The following CSMD1 variants were observed in gnomAD, a reference collection of about 807,000 sequenced individuals.
CSMD1 encodes the protein CUB and sushi domain-containing protein 1.
In CSMD1, 213 loss-of-function variants were observed where a neutral mutation model predicts 417.5. That is an observed-to-expected ratio of 0.51 (90% CI 0.46 to 0.57). The LOEUF (loss-of-function observed/expected upper bound fraction) is 0.57. Among genes scored for constraint, CSMD1 ranks in the 20% least tolerant of loss-of-function variants. The probability of loss-of-function intolerance (pLI) is 0.00; values close to 1 mark genes in which losing one functional copy is unlikely to be tolerated. For missense variants in CSMD1, 6,923 were observed against 4,529.7 expected, an observed-to-expected ratio of 1.53 and a Z score of -15.17; for synonymous variants, 2,862 against 1,736.8, an observed-to-expected ratio of 1.65 and a Z score of -16.11.
intron 8 of CSMD1, among the ~76,000 whole-genome samples, chr8:3,608,277 C>T (rs1010255939): frequency 6.6e-6 from 1 of 151,838 alleles, no homozygotes; most frequent in Non-Finnish European, 1.5e-5. Context: ...GCAGCTCATG[C>T]AGAATCAGGG....
intron 5 of CSMD1, among the ~76,000 whole-genome samples, chr8:3,872,009 G>C (rs1269616446): frequency 6.6e-6 from 1 of 152,224 alleles, no homozygotes; most frequent in Non-Finnish European, 1.5e-5. Flanking sequence ...ATGGTGTGCA[G>C]TGAGTATAGT....
chr8:3,060,554 C>G (rs899309752), intron 49 of CSMD1, among the ~76,000 whole-genome samples: 7 of 152,156 alleles, frequency 4.6e-5, no homozygotes, highest in Non-Finnish European at 1.0e-4. Context: ...GTTAGACTTG[C>G]TCACAGGCAT....
intron 1 of CSMD1, among the ~76,000 whole-genome samples, chr8:4,824,560 G>A (rs1244104218): frequency 6.6e-6 from 1 of 152,096 alleles, no homozygotes; most frequent in African/African-American, 2.4e-5. Flanking sequence ...TTACACCACG[G>A]AAACAGTCTC....
chr8:4,335,737 G>T (rs897570454), intron 3 of CSMD1, among the ~76,000 whole-genome samples: 3 of 151,992 alleles, frequency 2.0e-5, no homozygotes, highest in African/African-American at 4.8e-5. Flanking sequence ...ACCTTAATAG[G>T]GCTCACGGCA....
chr8:4,239,363 A>G (rs1355809654), intron 3 of CSMD1, among the ~76,000 whole-genome samples: 1 of 152,302 alleles, frequency 6.6e-6, no homozygotes, highest in East Asian at 1.9e-4. Flanking sequence ...ACTGCCAATG[A>G]AGCTGTTTTC....
At chr8:4,475,418 C>A (rs573896281) in intron 2 of CSMD1, among the ~76,000 whole-genome samples, 2 of 152,110 alleles carry the variant, frequency 1.3e-5, no homozygotes, top group South Asian at 2.1e-4. Context: ...GAGTGTTTCT[C>A]TTTTTTAATA....
chr8:4,419,184 G>C (rs970771666), intron 3 of CSMD1, among the ~76,000 whole-genome samples: 2 of 152,134 alleles, frequency 1.3e-5, no homozygotes, highest in African/African-American at 2.4e-5. Flanking sequence ...ACGATAGATT[G>C]CTTTTTAAAT....
chr8:3,728,076 C>T (rs571774492), intron 6 of CSMD1, among the ~76,000 whole-genome samples: 24 of 152,222 alleles, frequency 1.6e-4, no homozygotes, highest in East Asian at 5.8e-4. Context: ...TGACAGTGTC[C>T]GCACCCAAAT....
intron 1 of CSMD1, among the ~76,000 whole-genome samples, chr8:4,827,835 G>A (rs1259389724): frequency 1.3e-5 from 2 of 152,110 alleles, no homozygotes; most frequent in Non-Finnish European, 2.9e-5. Context: ...GGTACAGCCT[G>A]TTTAAATTCT....
chr8:4,776,697 A>G (rs7007045), intron 1 of CSMD1, among the ~76,000 whole-genome samples: 25,900 of 152,154 alleles, frequency 0.17, 2,316 homozygotes, highest in East Asian at 0.28. Context: ...CAACCAGAAC[A>G]CTGGCTTGAT....
In CSMD1 at chr8:2,999,992, G is replaced by T. The variant is rs779948803; in HGVS notation, c.8169C>A (p.Asp2723Glu). Residue 2723 changes from aspartate (D) to glutamate (E), a missense_variant, in exon 53 of 70, where the codon GAC becomes GAA. Asp to Glu is a conservative substitution (Grantham distance 45, BLOSUM62 2). Transcript: ENST00000635120. ...CAGGCGTTTGTCCAGACCACTTGTG[G>T]TCTTGCAGGCATATCCTCACGGAAG... ...VGTSVRICLQ[D>E]HKWSGQTPVC... 6.2e-7 allele frequency: 1 copy of T among 1,609,500 alleles called. No homozygotes were observed. The highest frequency in any genetic ancestry group is 1.7e-5 in the Admixed American group (1 of 59,034).
chr8:4,420,443 C>T (rs1210952802), intron 2 of CSMD1, among the ~76,000 whole-genome samples: 1 of 151,822 alleles, frequency 6.6e-6, no homozygotes. Context: ...GGTGAAGGTG[C>T]GTCATGGTGG....
Position 3,339,297 on chromosome 8 carries a change from C to G in CSMD1, c.3631+3997G>C, listed in dbSNP as rs114967295. Among the ~76,000 whole-genome samples, 500 of 152,164 alleles carry G rather than the reference C, an allele frequency of 3.3e-3. 3 individuals are homozygous for G. The highest frequency in any genetic ancestry group is 0.011 in the African/African-American group (472 of 41,500). ...TCCTCATCCATTTTCACAGGCCCTT[C>G]ACTTCAAGCCTCTGTTTGCAGAACA... On this transcript the variant is annotated intron_variant, in intron 23 of 69. Transcript: ENST00000635120.
intron 3 of CSMD1, among the ~76,000 whole-genome samples, chr8:4,076,850 G>A (rs913835884): frequency 6.6e-6 from 1 of 152,038 alleles, no homozygotes; most frequent in African/African-American, 2.4e-5. Flanking sequence ...ACTTAAGATA[G>A]GCTACTCTTT....
intron 3 of CSMD1, among the ~76,000 whole-genome samples, chr8:4,297,334 C>G (rs555764441): frequency 1.4e-4 from 21 of 152,028 alleles, no homozygotes; most frequent in African/African-American, 4.8e-4. Context: ...TAATCCAAAT[C>G]TAAAAAAACA....
chr8:3,865,377 C>A (rs1050504923), intron 5 of CSMD1, among the ~76,000 whole-genome samples: 1 of 152,146 alleles, frequency 6.6e-6, no homozygotes. Context: ...TGCAACTGAA[C>A]ACATTCCCTC....
intron 1 of CSMD1, among the ~76,000 whole-genome samples, chr8:4,950,824 T>C (rs1305863817): frequency 6.6e-6 from 1 of 152,038 alleles, no homozygotes; most frequent in Admixed American, 6.6e-5. Flanking sequence ...TTGGTGACCA[T>C]TAGGAGCACC....
intron 1 of CSMD1, among the ~76,000 whole-genome samples, chr8:4,769,708 G>A (rs969370698): frequency 2.6e-5 from 4 of 152,190 alleles, no homozygotes; most frequent in African/African-American, 4.8e-5. Context: ...CATAGGAGGT[G>A]GGAAACGAAG....
At chr8:3,924,477 A>T (rs985913042) in intron 5 of CSMD1, among the ~76,000 whole-genome samples, 2 of 152,134 alleles carry the variant, frequency 1.3e-5, no homozygotes, top group African/African-American at 4.8e-5. Flanking sequence ...GTTTCTTCTG[A>T]GACTTCTATG....
Sources: allele counts gnomAD v4.1 joint callset (sites outside exome capture counted in the v4.1 genomes callset), GRCh38; gene constraint gnomAD v4.1.1; transcripts MANE v1.5; gene names NCBI Gene and HGNC (gene_info 2026-07-23, HGNC 2026-07-21).